COPS4: variants seen among roughly 807,000 people sequenced by gnomAD.
COPS4 encodes COP9 signalosome complex subunit 4.
COPS4 carries 8 observed loss-of-function variants against 55.1 expected under a neutral mutation model. The ratio of observed to expected loss-of-function variants is 0.15; its 90% CI spans 0.09 to 0.26. COPS4 has a LOEUF of 0.26. COPS4 is among the 10% of genes least tolerant of loss of function. The probability of loss-of-function intolerance (pLI) is 1.00; values close to 1 mark genes in which losing one functional copy is unlikely to be tolerated. For synonymous variants in COPS4, 185 were observed against 165.7 expected (o/e 1.12, Z -0.90); for missense variants, 248 against 484.0 (o/e 0.51, Z 4.58).
chr4:83,050,285 CTTGTTG>C (rs374355313), intron 4 of COPS4, among the ~76,000 whole-genome samples: 46 of 151,782 alleles, frequency 3.0e-4, no homozygotes, highest in South Asian at 1.0e-3. Flanking sequence ...ACCAGATACT[CTTGTTG>C]TTGTTGTTGT....
chr4:83,047,097 T>C (rs1005129979), intron 2 of COPS4, among the ~76,000 whole-genome samples: 1 of 152,208 alleles, frequency 6.6e-6, no homozygotes, highest in African/African-American at 2.4e-5. Context: ...CCTTAAAAAG[T>C]TACTGCCTTA....
chr4:83,049,836 C>G, intron 3 of COPS4, 45 bp from the exon 4 acceptor site: 1 of 1,081,324 alleles, frequency 9.2e-7, no homozygotes, highest in Non-Finnish European at 1.3e-6. Context: ...TAATTAGTTA[C>G]TAATGTCAGT....
intron 3 of COPS4, among the ~76,000 whole-genome samples, 185 bp from the exon 4 acceptor site, chr4:83,049,696 G>A (rs749271635): frequency 3.3e-5 from 5 of 152,094 alleles, no homozygotes; most frequent in Admixed American, 6.5e-5. Context: ...TGTTGCTTCC[G>A]TTCACTAGTT....
intron 4 of COPS4, among the ~76,000 whole-genome samples, chr4:83,055,599 A>G (rs1036291303): frequency 2.3e-4 from 35 of 151,890 alleles, no homozygotes; most frequent in African/African-American, 7.2e-4. Context: ...ATGTGCCTCT[A>G]TGCCTGGCTA....
Position 83,047,723 on chromosome 4 carries a change from C to T in COPS4, c.155-1443C>T, listed in dbSNP as rs113031466. Among the ~76,000 whole-genome samples the T allele has an allele frequency of 8.5e-5, 13 of 152,138 alleles. 1 individual carries two copies. The highest frequency in any genetic ancestry group is 2.2e-4 in the African/African-American group (9 of 41,518). On this transcript the variant is annotated intron_variant, in intron 2 of 9. Transcript: ENST00000264389. ...CTGCTTTAAGACTTGAATAATTGGC[C>T]GGGGCCATGGCTTACGCCTGTAGTC...
At chr4:83,041,981 C>CT (rs1338180134) in intron 1 of COPS4, among the ~76,000 whole-genome samples, 1 of 151,744 alleles carries the variant, frequency 6.6e-6, no homozygotes, top group Non-Finnish European at 1.5e-5. Context: ...TCTCGTGCCT[C>CT]AGCCTCCCGA....
chr4:83,057,352 G>A lies in COPS4; in HGVS notation c.659G>A (p.Ser220Asn), dbSNP rs777038755. Reference protein sequence around the residue: ...ELSYKTIVHESERLEALKHAL... With the variant: ...ELSYKTIVHENERLEALKHAL... ...TCTTACAAGACAATAGTCCACGAAA[G>A]TGAAAGACTAGAGGCCTTAAAACAT... The change falls in exon 6 of 10, where the codon AGT (serine) becomes AAT (asparagine). Residue 220 changes from serine (S) to asparagine (N), a missense_variant. Physicochemically the swap from Ser to Asn is conservative, Grantham distance 46. Transcript: ENST00000264389. 22 of 1,613,330 alleles carry A rather than the reference G, an allele frequency of 1.4e-5. No homozygotes were observed. Among genetic ancestry groups the A allele is most frequent in the South Asian group, 2.2e-5 (2 of 90,822 alleles).
chr4:83,046,222 A>G (rs556756763), intron 2 of COPS4, among the ~76,000 whole-genome samples: 2 of 152,272 alleles, frequency 1.3e-5, no homozygotes, highest in East Asian at 3.9e-4. Flanking sequence ...AGAAATGCAA[A>G]TCAATGTGGG....
At chr4:83,062,906 T>C (rs1380063714) in intron 6 of COPS4, 170 bp from the exon 7 acceptor site, 2 of 518,644 alleles carry the variant, frequency 3.9e-6, no homozygotes, top group Non-Finnish European at 6.7e-6. Context: ...AGCAGTTTAG[T>C]GTTTGATAAT....
chr4:83,062,088 T>C (rs752219685), intron 6 of COPS4, among the ~76,000 whole-genome samples: 9 of 152,220 alleles, frequency 5.9e-5, no homozygotes, highest in Non-Finnish European at 1.3e-4. Flanking sequence ...AGAAAACCGT[T>C]GTTGATAGGA....
At chr4:83,044,131 T>C (rs1259324374) in intron 1 of COPS4, among the ~76,000 whole-genome samples, 1 of 152,186 alleles carries the variant, frequency 6.6e-6, no homozygotes, top group Non-Finnish European at 1.5e-5. Flanking sequence ...GTTTGTAAAA[T>C]GTATTTAGTG....
rs1326809846 is a variant in COPS4, at chr4:83,075,762, G to A, written c.*332G>A. 1.6e-5 allele frequency: 3 copies of A among 192,304 alleles called. No homozygotes were observed. Among genetic ancestry groups the A allele is most frequent in the Admixed American group, 6.0e-5 (1 of 16,684 alleles). The allele number at this position is 192,304 out of a possible 1,614,324, so 11.9% of individuals were successfully genotyped here. A position where few individuals can be genotyped will look rare whatever the true frequency, so the allele number is the denominator to read the frequency against. On this transcript the variant is annotated 3_prime_UTR_variant, in exon 10 of 10. Coordinates refer to ENST00000264389, the MANE Select transcript of COPS4 (RefSeq NM_016129.3). Reference sequence around the variant, plus strand: ...AGTGCTTCATGCCTCTCCAAATGTGGTTATTCTAATAAATGGAGAAATGAG... The same window carrying A: ...AGTGCTTCATGCCTCTCCAAATGTGATTATTCTAATAAATGGAGAAATGAG...
intron 4 of COPS4, among the ~76,000 whole-genome samples, chr4:83,051,437 C>T (rs751059037): frequency 1.3e-5 from 2 of 152,006 alleles, no homozygotes; most frequent in African/African-American, 4.8e-5. Flanking sequence ...TTAAAAAAGG[C>T]TTATACAGTA....
intron 2 of COPS4, 98 bp from the exon 3 acceptor site, chr4:83,049,066 AAT>A: frequency 9.2e-7 from 1 of 1,081,660 alleles, no homozygotes; most frequent in South Asian, 1.4e-5. Context: ...AGGCTGTACT[AAT>A]ATAGATTGTT....
At chr4:83,061,413 T>G (rs1731162124) in intron 6 of COPS4, among the ~76,000 whole-genome samples, 1 of 152,196 alleles carries the variant, frequency 6.6e-6, no homozygotes, top group Admixed American at 6.5e-5. Flanking sequence ...TTCTTATTTT[T>G]TTATAAATGA....
rs777537639 is a variant in COPS4 at position 83,056,926 on chromosome 4, A to G, written c.411A>G (p.Lys137=). ...LVGIPLETGQ[K]QYNVDYKLET... ...TATGTGTTTTTCTGTTACATCCTAG[A>G]CAGTACAATGTAGATTATAAACTGG... Residue 137 remains lysine, a splice_region_variant and synonymous_variant, in exon 5 of 10, where the codon AAA becomes AAG. Transcript: ENST00000264389. The G allele has an allele frequency of 6.2e-7, 1 of 1,607,042 alleles. No individual in the cohort carries two copies.
At chr4:83,062,504 C>T (rs1578717550) in intron 6 of COPS4, among the ~76,000 whole-genome samples, 1 of 152,146 alleles carries the variant, frequency 6.6e-6, no homozygotes, top group Admixed American at 6.6e-5. Flanking sequence ...TGTTTCCACC[C>T]GAGGTTGAAC....
In COPS4 at chr4:83,035,234, G is replaced by C. The variant is rs776081661; in HGVS notation, c.10G>C (p.Ala4Pro). MAA[A>P]VRQDLAQLMN... ...CTGAGCTGGGAGAAAGATGGCGGCA[G>C]CCGTGCGACAGGATTTGGCCCAGCT... The change falls in exon 1 of 10, where the codon GCC (alanine) becomes CCC (proline). Residue 4 changes from alanine to proline, a missense_variant. By Grantham distance (27) the Ala-to-Pro change is conservative. Coordinates refer to ENST00000264389, the MANE Select transcript of COPS4 (RefSeq NM_016129.3). The C allele has an allele frequency of 1.1e-5, 17 of 1,570,850 alleles. No individual in the cohort carries two copies. The highest frequency in any genetic ancestry group is 1.5e-5 in the Non-Finnish European group (17 of 1,152,524).
intron 1 of COPS4, chr4:83,035,569 G>C (rs1560432075): frequency 6.4e-6 from 2 of 310,516 alleles, no homozygotes; most frequent in African/African-American, 4.3e-5. Context: ...TAGGATTTTG[G>C]AACAGCGGTC....
Sources: allele counts gnomAD v4.1 joint callset (sites outside exome capture counted in the v4.1 genomes callset), GRCh38; gene constraint gnomAD v4.1.1; transcripts MANE v1.5; gene names NCBI Gene and HGNC (gene_info 2026-07-23, HGNC 2026-07-21).